Variants in EGR3 observed in about 807,000 individuals in gnomAD.
The protein encoded by EGR3 is early growth response protein 3.
In EGR3, 4 loss-of-function variants were observed where a neutral mutation model predicts 22.4. That is an observed-to-expected ratio of 0.18 (90% CI 0.09 to 0.41). EGR3 has a LOEUF of 0.41. Among genes scored for constraint, EGR3 ranks in the 10% least tolerant of loss-of-function variants. EGR3 has a pLI of 1.00. For missense variants in EGR3, 315 were observed against 541.3 expected (o/e 0.58, Z 4.15); for synonymous variants, 219 against 226.8 (o/e 0.97, Z 0.31).
intron 1 of EGR3, 118 bp from the exon 2 acceptor site, chr8:22,691,600 G>A (rs1177281279): frequency 4.8e-6 from 7 of 1,461,930 alleles, no homozygotes; most frequent in Non-Finnish European, 6.4e-6. Context: ...CGTAGCGCAT[G>A]GGGTAAGAGG....
At position 22,692,490 on chromosome 8, in the gene EGR3, C is replaced by G. The variant is rs948768757; in HGVS notation, c.154+301G>C. The G allele has an allele frequency of 1.0e-5, 15 of 1,428,852 alleles. No homozygotes were observed. Among genetic ancestry groups the G allele is most frequent in the Non-Finnish European group, 1.3e-5 (14 of 1,095,976 alleles). 88.5% of individuals were successfully genotyped at this position (1,428,852 alleles called of 1,614,324 possible). A position where few individuals can be genotyped will look rare whatever the true frequency, so the allele number is the denominator to read the frequency against. On this transcript the variant is annotated intron_variant, in intron 1 of 1. Transcript: ENST00000317216. The surrounding 1 kb of genome is among the most constrained non-coding windows in gnomAD (Gnocchi z 6.2). The stretch of plus-strand genomic sequence containing the variant: ...GGTGAGGGAGAACCCCAGAGCCGCT[C>G]GCACCTACCTCCCTCCGGTCGGCGG...
rs777341353 is a variant in EGR3, at chr8:22,692,195, T to C, written c.154+596A>G. 1 of 1,398,510 alleles carries C rather than the reference T, an allele frequency of 7.2e-7. No individual in the cohort carries two copies. The highest frequency in any genetic ancestry group is 9.2e-7 in the Non-Finnish European group (1 of 1,081,090). The allele number at this position is 1,398,510 out of a possible 1,614,324, so 86.6% of individuals were successfully genotyped here. ...CCCCAGCTCCCCGGCCCCGGGATCG[T>C]TCCCCGTGGCAGGCCCTCGCCCCGC... On this transcript the variant is annotated intron_variant, in intron 1 of 1. Coordinates refer to ENST00000317216, the MANE Select transcript of EGR3 (RefSeq NM_004430.3). The surrounding 1 kb of genome is among the most constrained non-coding windows in gnomAD (Gnocchi z 6.2).
chr8:22,692,001 G>C lies in EGR3; in HGVS notation c.155-519C>G. 1 of 1,293,532 alleles carries C rather than the reference G, an allele frequency of 7.7e-7. No homozygotes were observed. Among genetic ancestry groups the C allele is most frequent in the Non-Finnish European group, 9.8e-7 (1 of 1,020,604 alleles). The allele number at this position is 1,293,532 out of a possible 1,614,324, so 80.1% of individuals were successfully genotyped here. ...GACGCTTTGTCCTCGGAGCGTAGAAGGGTGTCGCCCTCAAAGGGAGCTCTC... is the reference window on the plus strand; with the variant it reads ...GACGCTTTGTCCTCGGAGCGTAGAACGGTGTCGCCCTCAAAGGGAGCTCTC... On this transcript the variant is annotated intron_variant, in intron 1 of 1. Coordinates refer to ENST00000317216, the MANE Select transcript of EGR3 (RefSeq NM_004430.3). The surrounding 1 kb of genome is among the most constrained non-coding windows in gnomAD (Gnocchi z 6.2).
chr8:22,693,056 A>G lies in EGR3; in HGVS notation c.-112T>C. On this transcript the variant is annotated 5_prime_UTR_variant, in exon 1 of 2. Coordinates refer to ENST00000317216, the MANE Select transcript of EGR3 (RefSeq NM_004430.3). ...GAGGCGATCCGTGGTGCAGGGGAAAAGCATGCGAGAGGGAAAGTTCGGGGG... is the reference window on the plus strand; with the variant it reads ...GAGGCGATCCGTGGTGCAGGGGAAAGGCATGCGAGAGGGAAAGTTCGGGGG... 2.8e-6 allele frequency: 2 copies of G among 707,662 alleles called. No individual in the cohort carries two copies. Among genetic ancestry groups the G allele is most frequent in the South Asian group, 3.3e-5 (2 of 60,602 alleles). The allele number at this position is 707,662 out of a possible 1,614,324, so 43.8% of individuals were successfully genotyped here.
Position 22,692,852 on chromosome 8 carries a change from G to T in EGR3, c.93C>A (p.Ser31Arg), listed in dbSNP as rs370975109. 38 of 1,613,426 alleles carry T rather than the reference G, an allele frequency of 2.4e-5. No individual in the cohort carries two copies. The highest frequency in any genetic ancestry group is 3.2e-5 in the Non-Finnish European group (38 of 1,179,874). The change falls in exon 1 of 2, where the codon AGC (serine) becomes AGA (arginine). Residue 31 changes from serine (S) to arginine (R), a missense_variant. By Grantham distance (110) the Ser-to-Arg change is moderately radical (BLOSUM62 -1). Transcript: ENST00000317216. This position sits in a 1 kb window ranked among gnomAD's most constrained non-coding sequence, Gnocchi z 6.2. ...PDNLYPEEIP[S>R]ALNLFSGSSD... ...TGCTGCCGGAGAAGAGGTTGAGCGC[G>T]CTGGGGATCTCCTCGGGGTACAGAT...
chr8:22,689,921 ACACACACACACT>A lies in EGR3; in HGVS notation c.*540_*551del, dbSNP rs1044717059. On this transcript the variant is annotated 3_prime_UTR_variant, in exon 2 of 2. Transcript: ENST00000317216. Reference sequence around the variant, plus strand: ...TAAACACACACGCTTGCGCGCGCGCACACACACACACTCACACACACACATACACACACACGC... The same window carrying A: ...TAAACACACACGCTTGCGCGCGCGCACACACACACACATACACACACACGC... 1.3e-5 allele frequency: 2 copies of A among 153,866 alleles called. No individual in the cohort carries two copies. The highest frequency in any genetic ancestry group is 2.0e-4 in the South Asian group (1 of 4,884). The allele number at this position is 153,866 out of a possible 1,614,324, so 9.5% of individuals were successfully genotyped here.
At position 22,690,983 on chromosome 8, in the gene EGR3, G is replaced by C. The variant is rs1353749373; in HGVS notation, c.654C>G (p.Ile218Met). The C allele has an allele frequency of 6.4e-7, 1 of 1,572,592 alleles. No homozygotes were observed. The highest frequency in any genetic ancestry group is 8.6e-7 in the Non-Finnish European group (1 of 1,156,256). ...EHKPFQGMDP[I>M]RVNPPPITPL... ...GGGTAATAGGGGGCGGGTTGACCCG[G>C]ATGGGGTCCATGCCCTGGAAGGGCT... The change falls in exon 2 of 2, where the codon ATC becomes ATG. Residue 218 changes from isoleucine to methionine, a missense_variant. Around this residue, in one of 4 missense-constraint regions of EGR3, gnomAD observed 227 missense variants for 303.6 expected, o/e 0.75. Transcript: ENST00000317216.
rs749261726 is a variant in EGR3, at chr8:22,691,313, G to A, written c.324C>T (p.Ala108=). 3.1e-6 allele frequency: 5 copies of A among 1,613,912 alleles called. No homozygotes were observed. The highest frequency in any genetic ancestry group is 2.7e-5 in the African/African-American group (2 of 74,942). ...CQDNIISLMS[A]GILGVPPASG... Reference sequence around the variant, plus strand: ...AAGCCGGGGGCACCCCCAAGATGCCGGCGCTCATGAGGCTAATGATGTTGT... The same window carrying A: ...AAGCCGGGGGCACCCCCAAGATGCCAGCGCTCATGAGGCTAATGATGTTGT... The change falls in exon 2 of 2, where the codon GCC becomes GCT. Residue 108 remains alanine (A), a synonymous_variant. Coordinates refer to ENST00000317216, the MANE Select transcript of EGR3 (RefSeq NM_004430.3).
Position 22,692,468 on chromosome 8 carries a change from G to A in EGR3, c.154+323C>T. ...CCGGCGATCGGGCCCCCTGCGTGGTGAGGGAGAACCCCAGAGCCGCTCGCA... is the reference window on the plus strand; with the variant it reads ...CCGGCGATCGGGCCCCCTGCGTGGTAAGGGAGAACCCCAGAGCCGCTCGCA... On this transcript the variant is annotated intron_variant, in intron 1 of 1. Transcript: ENST00000317216. This position sits in a 1 kb window ranked among gnomAD's most constrained non-coding sequence, Gnocchi z 6.2. 5.6e-6 allele frequency: 8 copies of A among 1,424,300 alleles called. No homozygotes were observed. The highest frequency in any genetic ancestry group is 7.3e-6 in the Non-Finnish European group (8 of 1,093,932). The allele number at this position is 1,424,300 out of a possible 1,614,324, so 88.2% of individuals were successfully genotyped here.
rs901834598 is a variant in EGR3, at chr8:22,692,082, C to A, written c.155-600G>T. 4.3e-5 allele frequency: 58 copies of A among 1,347,552 alleles called. No individual in the cohort carries two copies. The highest frequency in any genetic ancestry group is 5.4e-5 in the Non-Finnish European group (57 of 1,053,268). The allele number at this position is 1,347,552 out of a possible 1,614,324, so 83.5% of individuals were successfully genotyped here. On this transcript the variant is annotated intron_variant, in intron 1 of 1. Coordinates refer to ENST00000317216, the MANE Select transcript of EGR3 (RefSeq NM_004430.3). The surrounding 1 kb of genome is among the most constrained non-coding windows in gnomAD (Gnocchi z 6.2). ...GGCATGAAGGAGCTTTAGGCTCTTG[C>A]TGGAGGGGAAAATCCTAGCCCCAGC...
At position 22,690,223 on chromosome 8, in the gene EGR3, C is replaced by A; in HGVS notation, c.*250G>T. The A allele has an allele frequency of 1.8e-6, 1 of 560,474 alleles. No homozygotes were observed. The highest frequency in any genetic ancestry group is 1.9e-5 in the African/African-American group (1 of 52,610). 34.7% of individuals were successfully genotyped at this position (560,474 alleles called of 1,614,324 possible). A position where few individuals can be genotyped will look rare whatever the true frequency, so the allele number is the denominator to read the frequency against. On this transcript the variant is annotated 3_prime_UTR_variant, in exon 2 of 2. Transcript: ENST00000317216. Reference sequence around the variant, plus strand: ...GAACTGAACAAAGCGGGCTAGACGCCACCTTTCCGCCCCCACGCCTTGGCT... The same window carrying A: ...GAACTGAACAAAGCGGGCTAGACGCAACCTTTCCGCCCCCACGCCTTGGCT...
Position 22,687,945 on chromosome 8 carries a change from C to T in EGR3, c.*2528G>A, listed in dbSNP as rs2128744279. The T allele has an allele frequency of 6.5e-6, 1 of 152,702 alleles. No individual in the cohort carries two copies. The highest frequency in any genetic ancestry group is 2.1e-4 in the South Asian group (1 of 4,820). 9.5% of individuals were successfully genotyped at this position (152,702 alleles called of 1,614,324 possible). On this transcript the variant is annotated 3_prime_UTR_variant, in exon 2 of 2. Coordinates refer to ENST00000317216, the MANE Select transcript of EGR3 (RefSeq NM_004430.3). The surrounding 1 kb of genome is among the most constrained non-coding windows in gnomAD (Gnocchi z 4.7). The stretch of plus-strand genomic sequence containing the variant: ...ATTTTTTTAACCTTAGTATAAGGTA[C>T]TATAAATCCAAGAAATAAAAACATC...
In EGR3 at chr8:22,692,197, C is replaced by G; in HGVS notation, c.154+594G>C. On this transcript the variant is annotated intron_variant, in intron 1 of 1. Transcript: ENST00000317216. The surrounding 1 kb of genome is among the most constrained non-coding windows in gnomAD (Gnocchi z 6.2). ...CCAGCTCCCCGGCCCCGGGATCGTT[C>G]CCCGTGGCAGGCCCTCGCCCCGCGG... is the stretch of plus-strand genomic sequence containing the variant. 12 of 1,398,362 alleles carry G rather than the reference C, an allele frequency of 8.6e-6. No individual in the cohort carries two copies. The highest frequency in any genetic ancestry group is 1.1e-5 in the Non-Finnish European group (12 of 1,080,854). 86.6% of individuals were successfully genotyped at this position (1,398,362 alleles called of 1,614,324 possible). A position where few individuals can be genotyped will look rare whatever the true frequency, so the allele number is the denominator to read the frequency against.
rs1804038624 is a variant in EGR3 at position 22,693,406 on chromosome 8, G to A, written c.-462C>T. On this transcript the variant is annotated 5_prime_UTR_variant, in exon 1 of 2. Transcript: ENST00000317216. ...CGCCGCCGCCGCCGCCGCCTCTGCC[G>A]CCGCTGCCGCCGCTGCTACCACCAC... is the stretch of plus-strand genomic sequence containing the variant. 1.2e-5 allele frequency: 2 copies of A among 160,608 alleles called. No homozygotes were observed. The highest frequency in any genetic ancestry group is 1.8e-4 in the South Asian group (1 of 5,674). The allele number at this position is 160,608 out of a possible 1,614,324, so 9.9% of individuals were successfully genotyped here.
In EGR3 at chr8:22,688,393, A is replaced by G. The variant is rs1200772508; in HGVS notation, c.*2080T>C. The stretch of plus-strand genomic sequence containing the variant: ...CATTATAAAAAGTATTCAGCAAAAT[A>G]CTGTCTCTGCAAAGAAAGATTTTAC... On this transcript the variant is annotated 3_prime_UTR_variant, in exon 2 of 2. Transcript: ENST00000317216. The G allele has an allele frequency of 6.6e-6, 1 of 152,640 alleles. No homozygotes were observed. Among genetic ancestry groups the G allele is most frequent in the Admixed American group, 6.5e-5 (1 of 15,290 alleles). The allele number at this position is 152,640 out of a possible 1,614,324, so 9.5% of individuals were successfully genotyped here.
Position 22,691,001 on chromosome 8 carries a change from G to T in EGR3, c.636C>A (p.Phe212Leu). Reference protein sequence around the residue: ...DMGSIPEHKPFQGMDPIRVNP... With the variant: ...DMGSIPEHKPLQGMDPIRVNP... ...TGACCCGGATGGGGTCCATGCCCTG[G>T]AAGGGCTTGTGCTCCGGAATGGAGC... The change falls in exon 2 of 2, where the codon TTC becomes TTA. Residue 212 changes from phenylalanine to leucine, a missense_variant. Transcript: ENST00000317216. The T allele has an allele frequency of 6.3e-7, 1 of 1,583,474 alleles. No individual in the cohort carries two copies. Among genetic ancestry groups the T allele is most frequent in the Non-Finnish European group, 8.6e-7 (1 of 1,162,042 alleles).
At position 22,690,535 on chromosome 8, in the gene EGR3, C is replaced by T. The variant is rs770751717; in HGVS notation, c.1102G>A (p.Ala368Thr). The change falls in exon 2 of 2, where the codon GCA becomes ACA. Residue 368 changes from alanine (A) to threonine (T), a missense_variant. Ala to Thr is a moderately conservative substitution (Grantham distance 58). This residue lies in a region of EGR3 where 38 missense variants were observed against 37.5 expected (regional missense o/e 1.01). Transcript: ENST00000317216. The stretch of plus-strand genomic sequence containing the variant: ...GGGGGCGCCGAGGATGCAGAGGGTG[C>T]ACCGCCCTTCTCCGCCTTCTTCTCC... ...QKEKKAEKGG[A>T]PSASSAPPVS... is the part of the protein sequence containing the mutation. 40 of 1,613,202 alleles carry T rather than the reference C, an allele frequency of 2.5e-5. No homozygotes were observed. In the Admixed American group the frequency reaches 5.5e-4, roughly 22 times the overall value.
Position 22,690,218 on chromosome 8 carries a change from G to A in EGR3, c.*255C>T. The stretch of plus-strand genomic sequence containing the variant: ...GATCCGAACTGAACAAAGCGGGCTA[G>A]ACGCCACCTTTCCGCCCCCACGCCT... On this transcript the variant is annotated 3_prime_UTR_variant, in exon 2 of 2. Transcript: ENST00000317216. 1 of 558,812 alleles carries A rather than the reference G, an allele frequency of 1.8e-6. No individual in the cohort carries two copies. Among genetic ancestry groups the A allele is most frequent in the African/African-American group, 1.9e-5 (1 of 52,620 alleles). The allele number at this position is 558,812 out of a possible 1,614,324, so 34.6% of individuals were successfully genotyped here.
At position 22,691,423 on chromosome 8, in the gene EGR3, C is replaced by T. The variant is rs563408494; in HGVS notation, c.214G>A (p.Gly72Ser). ...TTGCCGGGGGCTGGCTGGAAGGAGC[C>T]GGAGTAAGAGAGTTCCGGGTTGGGC... ...EKPNPELSYS[G>S]SFQPAPGNKT... Residue 72 changes from glycine (G) to serine (S), a missense_variant, in exon 2 of 2, where the codon GGC becomes AGC. Physicochemically the swap from Gly to Ser is moderately conservative, Grantham distance 56. Around this residue, in one of 4 missense-constraint regions of EGR3, gnomAD observed 227 missense variants for 303.6 expected, o/e 0.75. Transcript: ENST00000317216. 3 of 1,613,964 alleles carry T rather than the reference C, an allele frequency of 1.9e-6. No individual in the cohort carries two copies. Among genetic ancestry groups the T allele is most frequent in the African/African-American group, 2.7e-5 (2 of 74,972 alleles).
Sources: allele counts gnomAD v4.1 joint callset, GRCh38; gene constraint gnomAD v4.1.1; regional missense constraint gnomAD v4.1.1; non-coding constraint Gnocchi (gnomAD v3.1); transcripts MANE v1.5; gene names NCBI Gene and HGNC (gene_info 2026-07-23, HGNC 2026-07-21).